ZNF234: variants seen among roughly 807,000 people sequenced by gnomAD.
ZNF234 encodes zinc finger protein 234.
Under a neutral mutation model 10.3 loss-of-function variants are expected in ZNF234, and 4 were observed. The ratio of observed to expected loss-of-function variants is 0.39; its 90% CI spans 0.19 to 0.89. The LOEUF (loss-of-function observed/expected upper bound fraction) is 0.89, where lower values mean the gene tolerates loss of function less well. Among genes scored for constraint, ZNF234 ranks in the 40% least tolerant of loss-of-function variants. The probability of loss-of-function intolerance (pLI) is 0.38; values close to 1 mark genes in which losing one functional copy is unlikely to be tolerated. For missense variants in ZNF234, 711 were observed against 836.1 expected (o/e 0.85, Z 1.85); for synonymous variants, 258 against 280.1 (o/e 0.92, Z 0.79).
At chr19:44,149,291 T>G (rs1381481958) in intron 4 of ZNF234, among the ~76,000 whole-genome samples, 1 of 151,830 alleles carries the variant, frequency 6.6e-6, no homozygotes, top group African/African-American at 2.4e-5. Flanking sequence ...AAATAAAAAA[T>G]ACAAAAATTA....
chr19:44,146,953 C>G (rs1324260545), intron 3 of ZNF234, among the ~76,000 whole-genome samples: 1 of 151,344 alleles, frequency 6.6e-6, no homozygotes, highest in Non-Finnish European at 1.5e-5. Flanking sequence ...GTAGCTGGGA[C>G]TACAGGCACG....
chr19:44,158,281 C>T lies in ZNF234; in HGVS notation c.*162C>T. Reference sequence around the variant, plus strand: ...TTGTTTTTTATTTTTTGTTTTGAAACAGAATCTCGCTCTGTTGCCCATGCT... The same window carrying T: ...TTGTTTTTTATTTTTTGTTTTGAAATAGAATCTCGCTCTGTTGCCCATGCT... On this transcript the variant is annotated 3_prime_UTR_variant, in exon 6 of 6. Transcript: ENST00000426739. The T allele has an allele frequency of 1.2e-6, 1 of 801,990 alleles. No homozygotes were observed. Among genetic ancestry groups the T allele is most frequent in the Non-Finnish European group, 2.1e-6 (1 of 486,744 alleles). The allele number at this position is 801,990 out of a possible 1,614,324, so 49.7% of individuals were successfully genotyped here. A position where few individuals can be genotyped will look rare whatever the true frequency, so the allele number is the denominator to read the frequency against.
intron 2 of ZNF234, among the ~76,000 whole-genome samples, chr19:44,143,627 A>G (rs1306150508): frequency 6.6e-6 from 1 of 150,890 alleles, no homozygotes; most frequent in Non-Finnish European, 1.5e-5. Flanking sequence ...AAAAAAAAAA[A>G]AAAAAGAAAA....
At chr19:44,151,304 G>A (rs548766571) in intron 5 of ZNF234, among the ~76,000 whole-genome samples, 1 of 152,234 alleles carries the variant, frequency 6.6e-6, no homozygotes, top group South Asian at 2.1e-4. Context: ...CCAGGTTCAA[G>A]CGATTCTTCT....
chr19:44,150,753 A>G (rs1968722051), intron 5 of ZNF234, among the ~76,000 whole-genome samples: 1 of 152,126 alleles, frequency 6.6e-6, no homozygotes, highest in Non-Finnish European at 1.5e-5. Context: ...TCTACTTAAG[A>G]CCTTGTACAG....
At chr19:44,148,071 C>A (rs1013663644) in intron 3 of ZNF234, among the ~76,000 whole-genome samples, 10 of 152,130 alleles carry the variant, frequency 6.6e-5, no homozygotes, top group African/African-American at 2.4e-4. Context: ...TTCTTAGGTA[C>A]TTAGTCTGCG....
At chr19:44,153,923 G>A (rs1421552275) in intron 5 of ZNF234, among the ~76,000 whole-genome samples, 1 of 152,166 alleles carries the variant, frequency 6.6e-6, no homozygotes, top group Admixed American at 6.5e-5. Context: ...AGTGTAAAAC[G>A]AGTATTATGT....
At chr19:44,145,646 C>T (rs926115721) in intron 3 of ZNF234, among the ~76,000 whole-genome samples, 46 of 152,342 alleles carry the variant, frequency 3.0e-4, no homozygotes, top group Non-Finnish European at 6.2e-4. Flanking sequence ...CCTGCCTTGG[C>T]CTCCCAAAGT....
At position 44,158,207 on chromosome 19, in the gene ZNF234, T is replaced by G; in HGVS notation, c.*88T>G. ...GGAAAAATTTTCTTTATCAACCTCT[T>G]TGAATTTATTTGATTTGTAACGCTC... On this transcript the variant is annotated 3_prime_UTR_variant, in exon 6 of 6. Transcript: ENST00000426739. The G allele has an allele frequency of 1.5e-6, 2 of 1,326,636 alleles. No homozygotes were observed. The highest frequency in any genetic ancestry group is 4.6e-5 in the East Asian group (2 of 43,584). The allele number at this position is 1,326,636 out of a possible 1,614,324, so 82.2% of individuals were successfully genotyped here.
rs1281141140 is a variant in ZNF234 at position 44,148,897 on chromosome 19, GGT to G, written c.142+2_142+3del. 2.5e-6 allele frequency: 4 copies of G among 1,612,702 alleles called. No homozygotes were observed. The African/African-American group carries it at 5.3e-5, about 22-fold the overall frequency. On this transcript the variant is annotated splice_donor_variant, in intron 4 of 5. Coordinates refer to ENST00000426739, the MANE Select transcript of ZNF234 (RefSeq NM_006630.3). LOFTEE classifies it high-confidence loss of function. ...GAACTTCAGGAACCTGCTGTCAGTG[GGT>G]GAGGACATGAGCTTTCTAACACTCA... is the stretch of plus-strand genomic sequence containing the variant.
chr19:44,156,335 A>T lies in ZNF234; in HGVS notation c.319A>T (p.Ile107Phe), dbSNP rs774795472. ...ELYWGQIWKQ[I>F]ASDLIKYEDS... The stretch of plus-strand genomic sequence containing the variant: ...TTACTGGGGGCAAATCTGGAAACAG[A>T]TTGCAAGTGATTTAATCAAGTATGA... Residue 107 changes from isoleucine to phenylalanine, a missense_variant, in exon 6 of 6, where the codon ATT becomes TTT. By Grantham distance (21) the Ile-to-Phe change is conservative. Coordinates refer to ENST00000426739, the MANE Select transcript of ZNF234 (RefSeq NM_006630.3). 1 of 1,608,960 alleles carries T rather than the reference A, an allele frequency of 6.2e-7. No individual in the cohort carries two copies. Among genetic ancestry groups the T allele is most frequent in the Admixed American group, 1.7e-5 (1 of 58,894 alleles).
chr19:44,150,441 C>G lies in ZNF234; in HGVS notation c.171C>G (p.Phe57Leu), dbSNP rs1254197960. The G allele has an allele frequency of 6.3e-7, 1 of 1,588,512 alleles. No individual in the cohort carries two copies. Among genetic ancestry groups the G allele is most frequent in the Non-Finnish European group, 8.6e-7 (1 of 1,166,792 alleles). ...ATCACCCCTTCAAACATGATGTATT[C>G]CTTTTAGAAAAGGAAAAAAAGCTTG... ...VGHHPFKHDVFLLEKEKKLDI... is the reference protein window; with the variant it reads ...VGHHPFKHDVLLLEKEKKLDI... Residue 57 changes from phenylalanine (F) to leucine (L), a missense_variant, in exon 5 of 6, where the codon TTC (phenylalanine) becomes TTG (leucine). By Grantham distance (22) the Phe-to-Leu change is conservative. Transcript: ENST00000426739.
At chr19:44,147,930 A>C (rs1162917123) in intron 3 of ZNF234, among the ~76,000 whole-genome samples, 3 of 152,164 alleles carry the variant, frequency 2.0e-5, no homozygotes, top group Non-Finnish European at 2.9e-5. Flanking sequence ...TATAATGAAA[A>C]CAATATTGAA....
intron 4 of ZNF234, 70 bp downstream of exon 4, chr19:44,148,967 C>A: frequency 6.5e-7 from 1 of 1,530,342 alleles, no homozygotes; most frequent in South Asian, 1.3e-5. Flanking sequence ...AGGGGTTCAA[C>A]ACTTTGGAGG....
Position 44,158,870 on chromosome 19 carries a change from C to G in ZNF234, c.*751C>G, listed in dbSNP as rs1374708817. The G allele has an allele frequency of 6.6e-6, 1 of 152,574 alleles. No individual in the cohort carries two copies. The highest frequency in any genetic ancestry group is 1.5e-5 in the Non-Finnish European group (1 of 68,384). 9.5% of individuals were successfully genotyped at this position (152,574 alleles called of 1,614,324 possible). A position where few individuals can be genotyped will look rare whatever the true frequency, so the allele number is the denominator to read the frequency against. On this transcript the variant is annotated 3_prime_UTR_variant, in exon 6 of 6. Coordinates refer to ENST00000426739, the MANE Select transcript of ZNF234 (RefSeq NM_006630.3). ...AACTTTGCTACCGAATCTATACAAC[C>G]TTAACATTGACTAGTGCTTGTAGGT...
chr19:44,156,936 G>A lies in ZNF234; in HGVS notation c.920G>A (p.Cys307Tyr). ...CGTAGATCAGCACTTAATAATCATT[G>A]CATGGTCCACACAGGAGAGAAACCA... ...FRRRSALNNH[C>Y]MVHTGEKPYK... Residue 307 changes from cysteine to tyrosine, a missense_variant, in exon 6 of 6, where the codon TGC (cysteine) becomes TAC (tyrosine). Physicochemically the swap from Cys to Tyr is radical, Grantham distance 194 (BLOSUM62 -2). Coordinates refer to ENST00000426739, the MANE Select transcript of ZNF234 (RefSeq NM_006630.3). 1 of 1,614,122 alleles carries A rather than the reference G, an allele frequency of 6.2e-7. No homozygotes were observed. Among genetic ancestry groups the A allele is most frequent in the Non-Finnish European group, 8.5e-7 (1 of 1,180,020 alleles).
At chr19:44,151,613 G>A (rs757651643) in intron 5 of ZNF234, among the ~76,000 whole-genome samples, 9 of 151,862 alleles carry the variant, frequency 5.9e-5, no homozygotes, top group Non-Finnish European at 1.0e-4. Flanking sequence ...GTCTCACTAC[G>A]CTGAAATCAA....
At chr19:44,151,603 G>A (rs189595439) in intron 5 of ZNF234, among the ~76,000 whole-genome samples, 32 of 152,230 alleles carry the variant, frequency 2.1e-4, no homozygotes, top group African/African-American at 6.5e-4. Context: ...TCCAACATGG[G>A]TCTCACTACG....
Position 44,157,859 on chromosome 19 carries a change from CAG to C in ZNF234, c.1846_1847del (p.Ser616CysfsTer11). On this transcript the variant is annotated frameshift_variant, in exon 6 of 6. Transcript: ENST00000426739. LOFTEE classifies it low-confidence loss of function (END_TRUNC). ...TCAGGCCTCAAGTCTCCAACTTCATCAGAGTGTCCACACAGGAGAGAAACCAT... is the reference window on the plus strand; with the variant it reads ...TCAGGCCTCAAGTCTCCAACTTCATCAGTGTCCACACAGGAGAGAAACCAT... ...FSQASSLQLHQSVHTGEKPYK... is the reference protein window; with the variant it reads ...FSQASSLQLHXSVHTGEKPYK... 1 of 1,613,634 alleles carries C rather than the reference CAG, an allele frequency of 6.2e-7. No individual in the cohort carries two copies. The highest frequency in any genetic ancestry group is 1.1e-5 in the South Asian group (1 of 91,040).
Sources: allele counts gnomAD v4.1 joint callset (sites outside exome capture counted in the v4.1 genomes callset), GRCh38; gene constraint gnomAD v4.1.1; transcripts MANE v1.5; gene names NCBI Gene and HGNC (gene_info 2026-07-23, HGNC 2026-07-21).